GPC6: variants seen among roughly 807,000 people sequenced by gnomAD.
GPC6 encodes glypican 6.
Under a neutral mutation model 55.2 loss-of-function variants are expected in GPC6, and 14 were observed. That is an observed-to-expected ratio of 0.25 (90% CI 0.17 to 0.40). GPC6 has a LOEUF of 0.40. GPC6 is among the 10% of genes least tolerant of loss of function. GPC6 has a pLI of 1.00. For synonymous variants in GPC6, 278 were observed against 259.6 expected (o/e 1.07, Z -0.68); for missense variants, 641 against 708.5 (o/e 0.90, Z 1.08).
At chr13:93,804,347 G>A (rs997090102) in intron 2 of GPC6, among the ~76,000 whole-genome samples, 2 of 152,090 alleles carry the variant, frequency 1.3e-5, no homozygotes, top group Admixed American at 6.6e-5. Context: ...TTACATATAA[G>A]TAAGGAGTAG....
intron 1 of GPC6, among the ~76,000 whole-genome samples, chr13:93,312,309 T>G (rs1048685319): frequency 1.3e-5 from 2 of 152,188 alleles, no homozygotes; most frequent in Admixed American, 6.5e-5. Flanking sequence ...GGTACACTTA[T>G]GTCCTGTGTA....
chr13:94,187,474 C>T (rs1889241960), intron 4 of GPC6: 1 of 152,200 alleles, frequency 6.6e-6, no homozygotes, highest in South Asian at 2.1e-4. Flanking sequence ...GGCACCTCAA[C>T]TAAAATGATG....
intron 3 of GPC6, among the ~76,000 whole-genome samples, chr13:93,904,034 G>A (rs1002552969): frequency 6.6e-6 from 1 of 152,010 alleles, no homozygotes; most frequent in Non-Finnish European, 1.5e-5. Flanking sequence ...GTTTTTCAGG[G>A]TTGTCCAAGC....
At chr13:93,707,606 A>G (rs900328544) in intron 2 of GPC6, among the ~76,000 whole-genome samples, 2 of 151,762 alleles carry the variant, frequency 1.3e-5, no homozygotes, top group African/African-American at 4.8e-5. Context: ...CCAGGATAAG[A>G]TTGCTATGCA....
chr13:93,581,050 A>C (rs59523159), intron 2 of GPC6, among the ~76,000 whole-genome samples: 6,926 of 152,226 alleles, frequency 0.045, 521 homozygotes, highest in African/African-American at 0.16. Context: ...ATTGCTTTTT[A>C]AATTGTATTT....
chr13:93,690,648 C>T (rs1882226541), intron 2 of GPC6, among the ~76,000 whole-genome samples: 1 of 151,944 alleles, frequency 6.6e-6, no homozygotes, highest in African/African-American at 2.4e-5. Context: ...CACATTTCCA[C>T]AGAAAGCTAT....
At position 93,790,659 on chromosome 13, in the gene GPC6, G is replaced by A. The variant is rs970241733; in HGVS notation, c.320-39495G>A. Among the ~76,000 whole-genome samples, 4 of 152,200 alleles carry A rather than the reference G, an allele frequency of 2.6e-5. No homozygotes were observed. The East Asian group carries it at 7.7e-4, about 29-fold the overall frequency. On this transcript the variant is annotated intron_variant, in intron 2 of 8. Coordinates refer to ENST00000377047, the MANE Select transcript of GPC6 (RefSeq NM_005708.5). Reference sequence around the variant, plus strand: ...TACCATAGGCCTAATGTATCCTCAAGATACTATTCTGGGAAAAAAAGAAAA... The same window carrying A: ...TACCATAGGCCTAATGTATCCTCAAAATACTATTCTGGGAAAAAAAGAAAA...
chr13:94,337,624 T>C (rs1877784625), intron 6 of GPC6, among the ~76,000 whole-genome samples: 1 of 151,930 alleles, frequency 6.6e-6, no homozygotes, highest in Non-Finnish European at 1.5e-5. Flanking sequence ...ATTTTTGTAT[T>C]TTAGGCAGAG....
At chr13:93,544,971 G>C (rs1405366778) in intron 1 of GPC6, among the ~76,000 whole-genome samples, 2 of 152,034 alleles carry the variant, frequency 1.3e-5, no homozygotes. Flanking sequence ...ATGTTTACTT[G>C]ATGTATTAAA....
At chr13:93,616,161 CAGAA>C (rs1184568879) in intron 2 of GPC6, among the ~76,000 whole-genome samples, 9 of 152,076 alleles carry the variant, frequency 5.9e-5, no homozygotes, top group African/African-American at 9.7e-5. Flanking sequence ...AAATCCCTCT[CAGAA>C]AGGCTATTCT....
intron 3 of GPC6, among the ~76,000 whole-genome samples, chr13:93,891,483 A>G (rs940395654): frequency 3.9e-5 from 6 of 152,134 alleles, no homozygotes; most frequent in African/African-American, 1.2e-4. Flanking sequence ...GATTTGCTCA[A>G]TCAAGTCCCC....
At chr13:94,366,238 G>C (rs1306608072) in intron 6 of GPC6, among the ~76,000 whole-genome samples, 1 of 152,160 alleles carries the variant, frequency 6.6e-6, no homozygotes, top group Admixed American at 6.5e-5. Context: ...AAAACTAAAT[G>C]TTCAAACATT....
At chr13:93,502,932 A>G (rs1880575636) in intron 1 of GPC6, among the ~76,000 whole-genome samples, 1 of 152,192 alleles carries the variant, frequency 6.6e-6, no homozygotes, top group Admixed American at 6.5e-5. Context: ...AGGTAATAAT[A>G]AAATGTACTA....
intron 1 of GPC6, among the ~76,000 whole-genome samples, chr13:93,535,101 A>G (rs1321385955): frequency 6.6e-6 from 1 of 152,056 alleles, no homozygotes; most frequent in African/African-American, 2.4e-5. Context: ...TCTTATCCTG[A>G]TTTTATTATT....
intron 4 of GPC6, among the ~76,000 whole-genome samples, chr13:94,126,434 G>A (rs1421217842): frequency 1.3e-5 from 2 of 152,076 alleles, no homozygotes; most frequent in Admixed American, 6.6e-5. Context: ...GCCTGAGGCC[G>A]ATTTCAAATT....
intron 1 of GPC6, among the ~76,000 whole-genome samples, chr13:93,492,413 G>C (rs1421926634): frequency 6.7e-6 from 1 of 149,128 alleles, no homozygotes; most frequent in Non-Finnish European, 1.5e-5. Flanking sequence ...AGCTTAAGGA[G>C]ATTTTGGGCT....
chr13:93,888,590 G>A (rs1875480338), intron 3 of GPC6, among the ~76,000 whole-genome samples: 1 of 152,120 alleles, frequency 6.6e-6, no homozygotes. Flanking sequence ...CTTGCTATCT[G>A]AACACCAGAA....
chr13:93,295,594 C>A (rs750261316), intron 1 of GPC6, among the ~76,000 whole-genome samples: 6 of 151,852 alleles, frequency 4.0e-5, no homozygotes, highest in African/African-American at 4.8e-5. Context: ...CATTCTCCTG[C>A]CTCAGCCTCC....
At chr13:94,100,002 C>T (rs1288414570) in intron 4 of GPC6, among the ~76,000 whole-genome samples, 1 of 152,044 alleles carries the variant, frequency 6.6e-6, no homozygotes, top group East Asian at 1.9e-4. Flanking sequence ...GGAAAGATAG[C>T]TATTGGCTAC....
Sources: allele counts gnomAD v4.1 joint callset (sites outside exome capture counted in the v4.1 genomes callset), GRCh38; gene constraint gnomAD v4.1.1; transcripts MANE v1.5; gene names NCBI Gene and HGNC (gene_info 2026-07-23, HGNC 2026-07-21).